Variants in BANF2 observed in about 807,000 individuals in gnomAD.
The protein encoded by BANF2 is BANF family member 2.
Under a neutral mutation model 8.0 loss-of-function variants are expected in BANF2, and 4 were observed. The observed-to-expected ratio is 0.50, with a 90% CI of 0.25 to 1.14. The LOEUF (loss-of-function observed/expected upper bound fraction) is 1.14, where lower values mean the gene tolerates loss of function less well. Among genes scored for constraint, BANF2 ranks in the 50% most tolerant of loss-of-function variants. The pLI is 0.16. For missense variants in BANF2, 96 were observed against 107.5 expected, an observed-to-expected ratio of 0.89 and a Z score of 0.47; for synonymous variants, 50 against 40.6, an observed-to-expected ratio of 1.23 and a Z score of -0.88.
intron 1 of BANF2, among the ~76,000 whole-genome samples, chr20:17,703,740 CTTT>C (rs373982840): frequency 3.3e-5 from 4 of 122,596 alleles, no homozygotes; most frequent in African/African-American, 9.8e-5. Flanking sequence ...AGTAGGCTGA[CTTT>C]TTTTTTTTTT....
intron 1 of BANF2, among the ~76,000 whole-genome samples, chr20:17,705,935 A>G (rs1467175110): frequency 1.3e-5 from 2 of 152,084 alleles, no homozygotes; most frequent in Admixed American, 6.5e-5. Flanking sequence ...GTGGGCTTCT[A>G]TGGCACTGCT....
chr20:17,713,078 C>T (rs1031611383), intron 1 of BANF2, among the ~76,000 whole-genome samples: 5 of 151,106 alleles, frequency 3.3e-5, no homozygotes, highest in South Asian at 2.1e-4. Context: ...GGAGACCCCC[C>T]GATCTCTACG....
chr20:17,725,882 T>A (rs1433060762), intron 3 of BANF2, among the ~76,000 whole-genome samples: 1 of 152,168 alleles, frequency 6.6e-6, no homozygotes, highest in African/African-American at 2.4e-5. Flanking sequence ...GGCGGGACAG[T>A]GTTACAGAAA....
At chr20:17,712,958 A>C (rs890143882) in intron 1 of BANF2, among the ~76,000 whole-genome samples, 7 of 152,146 alleles carry the variant, frequency 4.6e-5, no homozygotes, top group African/African-American at 1.4e-4. Context: ...AGAAAGAGGA[A>C]AAATCCTGGC....
At chr20:17,704,157 GA>G (rs1186496199) in intron 1 of BANF2, among the ~76,000 whole-genome samples, 1 of 152,216 alleles carries the variant, frequency 6.6e-6, no homozygotes, top group Non-Finnish European at 1.5e-5. Flanking sequence ...AAGGGGAGGG[GA>G]AACTGTCCAC....
At chr20:17,697,255 T>C (rs559157839), upstream of BANF2, among the ~76,000 whole-genome samples, 188 of 152,320 alleles carry the variant, frequency 1.2e-3, no homozygotes, top group African/African-American at 4.4e-3. Flanking sequence ...CCAGGAGGAA[T>C]TGTCCAGGGA....
chr20:17,725,442 C>T (rs2037794502), intron 3 of BANF2, among the ~76,000 whole-genome samples: 5 of 152,218 alleles, frequency 3.3e-5, no homozygotes, highest in African/African-American at 1.2e-4. Flanking sequence ...GTAGGTCAGC[C>T]GCCGGGGTCT....
intron 1 of BANF2, among the ~76,000 whole-genome samples, chr20:17,693,979 A>G (rs1362610281): frequency 6.6e-6 from 1 of 152,248 alleles, no homozygotes; most frequent in African/African-American, 2.4e-5. Flanking sequence ...GGATTCCTTC[A>G]GCCACTGGGG....
At chr20:17,728,343 C>G (rs959371654) in intron 3 of BANF2, among the ~76,000 whole-genome samples, 1 of 152,208 alleles carries the variant, frequency 6.6e-6, no homozygotes, top group African/African-American at 2.4e-5. Flanking sequence ...ACACTTACCT[C>G]CCTGGGCTCC....
At chr20:17,703,132 T>C (rs755279664) in intron 1 of BANF2, among the ~76,000 whole-genome samples, 4 of 152,228 alleles carry the variant, frequency 2.6e-5, no homozygotes, top group Non-Finnish European at 5.9e-5. Flanking sequence ...CTCTGATCAT[T>C]TTATGGTTTG....
At chr20:17,729,904 T>C (rs2037867481) in intron 3 of BANF2, among the ~76,000 whole-genome samples, 1 of 152,110 alleles carries the variant, frequency 6.6e-6, no homozygotes, top group African/African-American at 2.4e-5. Context: ...CACCTATGGG[T>C]AGGTGAATTT....
At chr20:17,694,144 G>T (rs984702766) in intron 1 of BANF2, among the ~76,000 whole-genome samples, 34 of 152,190 alleles carry the variant, frequency 2.2e-4, no homozygotes, top group Non-Finnish European at 7.3e-5. Context: ...CCAGGGGCTG[G>T]ACATACAGCA....
At chr20:17,721,083 A>G (rs2122622753) in intron 1 of BANF2, among the ~76,000 whole-genome samples, 1 of 152,340 alleles carries the variant, frequency 6.6e-6, no homozygotes, top group East Asian at 1.9e-4. Context: ...GATGTAGCAG[A>G]CATTGTTGTT....
rs575111460 is a variant in BANF2 at position 17,719,716 on chromosome 20, G to A, written c.-166-3000G>A. 1.3e-4 allele frequency among the ~76,000 whole-genome samples: 19 copies of A among 149,724 alleles called. 1 individual carries two copies. The highest frequency in any genetic ancestry group is 4.4e-4 in the African/African-American group (18 of 40,642). ...AAAAAAAAAAAAAGAGGAGCAGCTT[G>A]TTATTCAGGTCTGTCTGCTCTGAAG... On this transcript the variant is annotated intron_variant, in intron 1 of 3. Coordinates refer to ENST00000246090, the MANE Select transcript of BANF2 (RefSeq NM_178477.5).
intron 1 of BANF2, among the ~76,000 whole-genome samples, chr20:17,700,804 AG>A (rs1445298233): frequency 1.3e-5 from 2 of 152,174 alleles, no homozygotes; most frequent in African/African-American, 4.8e-5. Flanking sequence ...TATAACAAAC[AG>A]TAGGGACCCG....
At chr20:17,714,745 T>C (rs1415368472) in intron 1 of BANF2, among the ~76,000 whole-genome samples, 2 of 152,214 alleles carry the variant, frequency 1.3e-5, no homozygotes, top group African/African-American at 4.8e-5. Flanking sequence ...TAGTGGAGCC[T>C]GGCTCAGCAC....
At chr20:17,694,547 C>G (rs1433615984) in intron 1 of BANF2, among the ~76,000 whole-genome samples, 2 of 141,874 alleles carry the variant, frequency 1.4e-5, no homozygotes, top group East Asian at 4.4e-4. Flanking sequence ...AACATTGCAT[C>G]TAACATTGTA....
chr20:17,709,346 G>A (rs1472573389), intron 1 of BANF2, among the ~76,000 whole-genome samples: 1 of 152,194 alleles, frequency 6.6e-6, no homozygotes, highest in African/African-American at 2.4e-5. Flanking sequence ...ACCGCACTGA[G>A]GCCTAGCAGG....
In BANF2 at chr20:17,722,873, A is replaced by G; in HGVS notation, c.-9A>G. 2.0e-6 allele frequency: 2 copies of G among 985,340 alleles called. No individual in the cohort carries two copies. Among genetic ancestry groups the G allele is most frequent in the Non-Finnish European group, 2.4e-6 (2 of 829,796 alleles). 61.0% of individuals were successfully genotyped at this position (985,340 alleles called of 1,614,324 possible). Reference sequence around the variant, plus strand: ...GCGTACACGAGGAGCTCGACTCTGTAGAAAGGTCTGGAGGAGGATGGGGAC... The same window carrying G: ...GCGTACACGAGGAGCTCGACTCTGTGGAAAGGTCTGGAGGAGGATGGGGAC... On this transcript the variant is annotated 5_prime_UTR_variant, in exon 2 of 4. An upstream open reading frame in the 5' UTR loses its in-frame stop. Coordinates refer to ENST00000246090, the MANE Select transcript of BANF2 (RefSeq NM_178477.5).
Sources: allele counts gnomAD v4.1 joint callset (sites outside exome capture counted in the v4.1 genomes callset), GRCh38; gene constraint gnomAD v4.1.1; transcripts MANE v1.5; gene names NCBI Gene and HGNC (gene_info 2026-07-23, HGNC 2026-07-21).